Variants in TMEM117 observed in about 807,000 individuals in gnomAD.
The protein encoded by TMEM117 is transmembrane protein 117.
TMEM117 carries 27 observed loss-of-function variants against 52.4 expected under a neutral mutation model. That is an observed-to-expected ratio of 0.51 (90% confidence interval 0.38 to 0.71). The LOEUF (loss-of-function observed/expected upper bound fraction) is 0.71, where lower values mean the gene tolerates loss of function less well. Ranked by LOEUF, TMEM117 falls within the 30% of genes least tolerant of loss-of-function variation. TMEM117 has a pLI of 0.00. For missense variants in TMEM117, 556 were observed against 630.5 expected (o/e 0.88, Z 1.26); for synonymous variants, 215 against 206.3 (o/e 1.04, Z -0.36).
At chr12:44,050,402 C>T (rs1045919730) in intron 3 of TMEM117, among the ~76,000 whole-genome samples, 1 of 152,160 alleles carries the variant, frequency 6.6e-6, no homozygotes, top group African/African-American at 2.4e-5. Flanking sequence ...GTCTCGAACG[C>T]CTGACCTCAC....
At position 44,352,055 on chromosome 12, in the gene TMEM117, C is replaced by T. The variant is rs562360903; in HGVS notation, c.769-24540C>T. ...ATTTATCTTCCTTTATTTTTATTCA[C>T]TTTTCTTGCCTTTTTCTCTTTTGTT... On this transcript the variant is annotated intron_variant, in intron 6 of 7. Transcript: ENST00000266534. Among the ~76,000 whole-genome samples the T allele has an allele frequency of 7.9e-5, 12 of 151,974 alleles. No homozygotes were observed. The South Asian group carries it at 2.5e-3, about 32-fold the overall frequency.
chr12:44,199,434 T>C (rs73290288), intron 4 of TMEM117, among the ~76,000 whole-genome samples: 2,520 of 152,312 alleles, frequency 0.017, 68 homozygotes, highest in African/African-American at 0.058. Context: ...GCTTATAATT[T>C]CACCTAAAAT....
chr12:44,276,136 G>A (rs1347044879), intron 5 of TMEM117, among the ~76,000 whole-genome samples: 1 of 152,022 alleles, frequency 6.6e-6, no homozygotes, highest in Non-Finnish European at 1.5e-5. Context: ...CCTCTACTGG[G>A]TATATATCCA....
At chr12:43,928,616 T>C (rs1164488085) in intron 2 of TMEM117, among the ~76,000 whole-genome samples, 1 of 152,120 alleles carries the variant, frequency 6.6e-6, no homozygotes, top group Non-Finnish European at 1.5e-5. Context: ...TATTATACTT[T>C]AAGTTTTAGG....
At chr12:43,797,107 C>CAAAT in the TMEM117 span, 1 of 1,572,266 alleles carries the variant, frequency 6.4e-7, no homozygotes, top group African/African-American at 1.4e-5. Flanking sequence ...ACTGTAAGTT[C>CAAAT]AAATAATAAC....
intron 4 of TMEM117, among the ~76,000 whole-genome samples, chr12:44,172,785 T>C (rs1392776795): frequency 1.3e-5 from 2 of 152,190 alleles, no homozygotes; most frequent in African/African-American, 4.8e-5. Context: ...AGTGCAGTGA[T>C]GCAATCTCAG....
intron 5 of TMEM117, among the ~76,000 whole-genome samples, chr12:44,218,359 C>T (rs1282518309): frequency 6.6e-6 from 1 of 152,078 alleles, no homozygotes; most frequent in Non-Finnish European, 1.5e-5. Context: ...GTAATTATAC[C>T]ACATTAGAGT....
intron 6 of TMEM117, among the ~76,000 whole-genome samples, chr12:44,302,139 A>G (rs762376607): frequency 1.3e-5 from 2 of 151,988 alleles, no homozygotes; most frequent in Admixed American, 6.6e-5. Flanking sequence ...TTAATCTCCT[A>G]TGGATCTTCT....
chr12:44,172,439 C>A (rs535086434), intron 4 of TMEM117, among the ~76,000 whole-genome samples: 1 of 152,282 alleles, frequency 6.6e-6, no homozygotes, highest in Admixed American at 6.5e-5. Context: ...GCTTTCTTCT[C>A]GCTGTGTGTC....
chr12:43,798,635 AAT>A, the TMEM117 span: 21 of 1,485,378 alleles, frequency 1.4e-5, no homozygotes, highest in East Asian at 4.2e-4. Flanking sequence ...AAAAAAAAAA[AAT>A]CACATAAAAA....
At chr12:44,207,945 A>C (rs1403753763) in intron 4 of TMEM117, among the ~76,000 whole-genome samples, 1 of 152,122 alleles carries the variant, frequency 6.6e-6, no homozygotes, top group African/African-American at 2.4e-5. Context: ...CATTGCTGAA[A>C]GGTGGAAAAT....
At chr12:43,874,532 A>G (rs1258611904) in intron 2 of TMEM117, among the ~76,000 whole-genome samples, 2 of 152,190 alleles carry the variant, frequency 1.3e-5, no homozygotes, top group African/African-American at 4.8e-5. Context: ...CAGAGGTTGC[A>G]ATGAGCCGAG....
At chr12:43,830,228 A>G in the TMEM117 span, among the ~76,000 whole-genome samples, 1 of 152,132 alleles carries the variant, frequency 6.6e-6, no homozygotes, top group South Asian at 2.1e-4. Context: ...ATCAGGAGTG[A>G]TGCTGACCAC....
intron 3 of TMEM117, among the ~76,000 whole-genome samples, chr12:44,037,280 G>A (rs1946724274): frequency 6.6e-6 from 1 of 152,198 alleles, no homozygotes; most frequent in Admixed American, 6.5e-5. Flanking sequence ...GCATCTTTGT[G>A]TTCTTGACGG....
chr12:44,181,290 C>G (rs1021989253), intron 4 of TMEM117, among the ~76,000 whole-genome samples: 33 of 151,872 alleles, frequency 2.2e-4, no homozygotes, highest in Admixed American at 2.0e-3. Context: ...AAATTTTCTC[C>G]CATTCTGTAG....
intron 3 of TMEM117, among the ~76,000 whole-genome samples, chr12:44,082,542 C>T (rs145902363): frequency 0.01 from 1,528 of 151,560 alleles, 10 homozygotes; most frequent in African/African-American, 0.016. Context: ...AATGATTGAT[C>T]GATAAAATAG....
chr12:43,824,330 T>C, the TMEM117 span, among the ~76,000 whole-genome samples: 1 of 152,190 alleles, frequency 6.6e-6, no homozygotes, highest in Non-Finnish European at 1.5e-5. Flanking sequence ...CCAGCTAATT[T>C]GTGATTAGGA....
chr12:44,222,011 T>A (rs1949795438), intron 5 of TMEM117, among the ~76,000 whole-genome samples: 1 of 152,198 alleles, frequency 6.6e-6, no homozygotes, highest in Admixed American at 6.5e-5. Flanking sequence ...TCTCCCTCTT[T>A]CACTCCATCT....
At chr12:44,231,943 T>C (rs1422228403) in intron 5 of TMEM117, among the ~76,000 whole-genome samples, 3 of 151,740 alleles carry the variant, frequency 2.0e-5, no homozygotes, top group Non-Finnish European at 4.4e-5. Context: ...ATAATGGCTC[T>C]ATCTCCCTTA....
Sources: gnomAD v4.1 joint callset for allele counts (sites outside exome capture counted in the v4.1 genomes callset) on GRCh38, gnomAD v4.1.1 for gene constraint, MANE v1.5 for transcripts, NCBI Gene and HGNC (gene_info 2026-07-23, HGNC 2026-07-21) for gene names.